Variants in EIF2AK3 observed in about 807,000 individuals in gnomAD.
EIF2AK3 encodes eukaryotic translation initiation factor 2 alpha kinase 3, also known as eukaryotic translation initiation factor 2-alpha kinase 3.
EIF2AK3 carries 50 observed loss-of-function variants against 113.5 expected under a neutral mutation model. That is an observed-to-expected ratio of 0.44 (90% CI 0.35 to 0.56). The LOEUF (loss-of-function observed/expected upper bound fraction) is 0.56. EIF2AK3 is among the 20% of genes least tolerant of loss of function. The pLI, the probability that EIF2AK3 is intolerant of heterozygous loss-of-function variation, is 0.00. For synonymous variants in EIF2AK3, 448 were observed against 495.4 expected, an observed-to-expected ratio of 0.90 and a Z score of 1.27; for missense variants, 1,185 against 1,378.0, an observed-to-expected ratio of 0.86 and a Z score of 2.22.
chr2:88,605,733 C>T (rs1360929126), intron 2 of EIF2AK3, among the ~76,000 whole-genome samples: 2 of 151,722 alleles, frequency 1.3e-5, no homozygotes, highest in Admixed American at 6.6e-5. Flanking sequence ...CAACTGACTA[C>T]ACTACTAGAT....
At chr2:88,583,728 G>A (rs1432271075) in intron 9 of EIF2AK3, among the ~76,000 whole-genome samples, 186 bp from the exon 10 acceptor site, 1 of 152,146 alleles carries the variant, frequency 6.6e-6, no homozygotes, top group African/African-American at 2.4e-5. Context: ...TCTTCCCACT[G>A]CTATCCCTCC....
chr2:88,599,855 C>T (rs1173514893), intron 2 of EIF2AK3, among the ~76,000 whole-genome samples: 1 of 151,898 alleles, frequency 6.6e-6, no homozygotes, highest in Non-Finnish European at 1.5e-5. Context: ...CCATTTTTGC[C>T]CTAAGGATGG....
At chr2:88,619,887 C>T (rs192144832) in intron 1 of EIF2AK3, among the ~76,000 whole-genome samples, 2 of 145,794 alleles carry the variant, frequency 1.4e-5, no homozygotes, top group African/African-American at 5.1e-5. Context: ...ACCTGGGAGG[C>T]GGAGGTTGCA....
intron 1 of EIF2AK3, among the ~76,000 whole-genome samples, chr2:88,619,966 A>G (rs1675678694): frequency 6.6e-6 from 1 of 152,018 alleles, no homozygotes; most frequent in Admixed American, 6.6e-5. Flanking sequence ...AAAAAAAAAA[A>G]AAAAAAAAAT....
In EIF2AK3 at chr2:88,595,206, CA is replaced by C. The variant is rs11339424; in HGVS notation, c.633+262del. Among the ~76,000 whole-genome samples the C allele has an allele frequency of 0.32, 19,194 of 59,808 alleles. 741 individuals are homozygous for C. Among genetic ancestry groups the C allele is most frequent in the African/African-American group, 0.36 (5,116 of 14,350 alleles). The allele number at this position is 59,808 out of a possible 152,430, so 39.2% of individuals were successfully genotyped here. A position where few individuals can be genotyped will look rare whatever the true frequency, so the allele number is the denominator to read the frequency against. On this transcript the variant is annotated intron_variant, in intron 3 of 16. Coordinates refer to ENST00000303236, the MANE Select transcript of EIF2AK3 (RefSeq NM_004836.7). ...TGGGCAACAGAGTGAGACTCTGTCT[CA>C]AAAAAAAAAAAAAAAAAAAAAACAC...
At chr2:88,566,207 G>A (rs997224146) in intron 14 of EIF2AK3, among the ~76,000 whole-genome samples, 2 of 152,148 alleles carry the variant, frequency 1.3e-5, no homozygotes, top group African/African-American at 4.8e-5. Flanking sequence ...CTCTTATACA[G>A]TAATGTGCTA....
chr2:88,623,930 C>T (rs1187331660), intron 1 of EIF2AK3, among the ~76,000 whole-genome samples: 1 of 152,116 alleles, frequency 6.6e-6, no homozygotes, highest in Non-Finnish European at 1.5e-5. Context: ...AAATGATCCT[C>T]CTGTTTGCTA....
At position 88,590,522 on chromosome 2, in the gene EIF2AK3, T is replaced by C. The variant is rs759872794; in HGVS notation, c.1086A>G (p.Thr362=). ...CATCTTCTAAAACATCATCATTAGATGTATAACTTGTATCATCAAAAAGAC... is the reference window on the plus strand; with the variant it reads ...CATCTTCTAAAACATCATCATTAGACGTATAACTTGTATCATCAAAAAGAC... ...PISLFDDTSY[T]SNDDVLEDEE... is the part of the protein sequence containing the mutation. The change falls in exon 6 of 17, where the codon ACA becomes ACG. Residue 362 remains threonine (T), a synonymous_variant. Coordinates refer to ENST00000303236, the MANE Select transcript of EIF2AK3 (RefSeq NM_004836.7). 1.9e-6 allele frequency: 3 copies of C among 1,613,854 alleles called. No individual in the cohort carries two copies. Among genetic ancestry groups the C allele is most frequent in the Non-Finnish European group, 2.5e-6 (3 of 1,179,930 alleles).
intron 3 of EIF2AK3, chr2:88,593,833 A>C: frequency 1.1e-6 from 1 of 939,338 alleles, no homozygotes; most frequent in African/African-American, 1.8e-5. Context: ...TTGTATTCAA[A>C]AGTAACTGCC....
In EIF2AK3 at chr2:88,612,444, A is replaced by G. The variant is rs142457260; in HGVS notation, c.438+1280T>C. On this transcript the variant is annotated intron_variant, in intron 2 of 16. Coordinates refer to ENST00000303236, the MANE Select transcript of EIF2AK3 (RefSeq NM_004836.7). ...ATTCACTTGAATACCATACTCAATTATAAACTTAATGTAATTTACAATCAA... is the reference window on the plus strand; with the variant it reads ...ATTCACTTGAATACCATACTCAATTGTAAACTTAATGTAATTTACAATCAA... Among the ~76,000 whole-genome samples the G allele has an allele frequency of 1.8e-3, 272 of 152,372 alleles. 1 individual carries two copies. Among genetic ancestry groups the G allele is most frequent in the African/African-American group, 6.3e-3 (262 of 41,592 alleles).
chr2:88,608,557 G>T (rs1675344928), intron 2 of EIF2AK3, among the ~76,000 whole-genome samples: 1 of 152,108 alleles, frequency 6.6e-6, no homozygotes, highest in South Asian at 2.1e-4. Flanking sequence ...CTGGGTTTCT[G>T]AGAGAGGAAG....
At chr2:88,618,127 A>T (rs1400121222) in intron 1 of EIF2AK3, among the ~76,000 whole-genome samples, 2 of 152,216 alleles carry the variant, frequency 1.3e-5, no homozygotes, top group Non-Finnish European at 1.5e-5. Flanking sequence ...GGCTGCAGTG[A>T]ACTGTTATTG....
rs1480798418 is a variant in EIF2AK3, at chr2:88,557,342, C to T, written c.*394G>A. ...TCAAAATCATCATATCTCTAGAAAGCATATTTCTAGAACAATACAGTTACC... is the reference window on the plus strand; with the variant it reads ...TCAAAATCATCATATCTCTAGAAAGTATATTTCTAGAACAATACAGTTACC... On this transcript the variant is annotated 3_prime_UTR_variant, in exon 17 of 17. Coordinates refer to ENST00000303236, the MANE Select transcript of EIF2AK3 (RefSeq NM_004836.7). 1 of 184,240 alleles carries T rather than the reference C, an allele frequency of 5.4e-6. No homozygotes were observed. Among genetic ancestry groups the T allele is most frequent in the Non-Finnish European group, 1.2e-5 (1 of 86,506 alleles). 11.4% of individuals were successfully genotyped at this position (184,240 alleles called of 1,614,324 possible). A position where few individuals can be genotyped will look rare whatever the true frequency, so the allele number is the denominator to read the frequency against.
intron 14 of EIF2AK3, among the ~76,000 whole-genome samples, chr2:88,563,377 C>A (rs1286501303): frequency 1.3e-5 from 2 of 152,116 alleles, no homozygotes; most frequent in African/African-American, 4.8e-5. Context: ...GTGGCATCAC[C>A]CTCTTCCCTT....
At chr2:88,586,685 G>A (rs1674739815) in intron 8 of EIF2AK3, among the ~76,000 whole-genome samples, 1 of 147,596 alleles carries the variant, frequency 6.8e-6, no homozygotes, top group Non-Finnish European at 1.5e-5. Context: ...TCTGTCTCCT[G>A]GACTCAGGTG....
In EIF2AK3 at chr2:88,562,332, A is replaced by G. The variant is rs1673988007; in HGVS notation, c.3044T>C (p.Phe1015Ser). Residue 1015 changes from phenylalanine to serine, a missense_variant, in exon 15 of 17, where the codon TTT (phenylalanine) becomes TCT (serine). By Grantham distance (155) the Phe-to-Ser change is radical. This residue lies in a region of EIF2AK3 where 877 missense variants were observed against 1,024.2 expected (regional missense o/e 0.86). Transcript: ENST00000303236. The stretch of plus-strand genomic sequence containing the variant: ...AGTGCTGAATGGATACAGCAATTCA[A>G]ATAGAATCAGGCCTAAAGAAAAGAT... ...VDIFSLGLIL[F>S]ELLYPFSTQM... 2 of 1,614,158 alleles carry G rather than the reference A, an allele frequency of 1.2e-6. No individual in the cohort carries two copies. The highest frequency in any genetic ancestry group is 1.7e-6 in the Non-Finnish European group (2 of 1,180,002).
intron 1 of EIF2AK3, among the ~76,000 whole-genome samples, chr2:88,625,712 A>G (rs1469774524): frequency 6.6e-6 from 1 of 152,236 alleles, no homozygotes; most frequent in Non-Finnish European, 1.5e-5. Flanking sequence ...GAATTCTAAG[A>G]AAAAGAAAAC....
At chr2:88,606,257 A>G (rs1675271373) in intron 2 of EIF2AK3, among the ~76,000 whole-genome samples, 1 of 152,074 alleles carries the variant, frequency 6.6e-6, no homozygotes, top group Admixed American at 6.5e-5. Context: ...CTAGATTAAT[A>G]TATATTCATG....
chr2:88,615,287 T>C (rs1382792278), intron 1 of EIF2AK3, among the ~76,000 whole-genome samples: 3 of 152,234 alleles, frequency 2.0e-5, no homozygotes, highest in African/African-American at 7.2e-5. Flanking sequence ...AAATGTCTCC[T>C]GTCACTCCCA....
Sources: allele counts gnomAD v4.1 joint callset (sites outside exome capture counted in the v4.1 genomes callset), GRCh38; gene constraint gnomAD v4.1.1; regional missense constraint gnomAD v4.1.1; transcripts MANE v1.5; gene names NCBI Gene and HGNC (gene_info 2026-07-23, HGNC 2026-07-21).